RYR3: variants seen among roughly 807,000 people sequenced by gnomAD.
The protein encoded by RYR3 is ryanodine receptor 3, also known as brain ryanodine receptor-calcium release channel.
In RYR3, 207 loss-of-function variants were observed where a neutral mutation model predicts 584.3. The ratio of observed to expected loss-of-function variants is 0.35; its 90% CI spans 0.32 to 0.40. The LOEUF (loss-of-function observed/expected upper bound fraction) is 0.40. Ranked by LOEUF, RYR3 falls within the 10% of genes least tolerant of loss-of-function variation. The pLI is 1.00. For synonymous variants in RYR3, 2,416 were observed against 2,248.5 expected (o/e 1.07, Z -2.11); for missense variants, 5,616 against 6,089.2 (o/e 0.92, Z 2.59).
intron 1 of RYR3, among the ~76,000 whole-genome samples, chr15:33,335,076 G>T (rs980443632): frequency 5.3e-5 from 8 of 152,228 alleles, no homozygotes; most frequent in Non-Finnish European, 1.0e-4. Flanking sequence ...TTACATTGCT[G>T]TTGGGAGTGT....
At chr15:33,429,715 A>C (rs991849867) in intron 1 of RYR3, among the ~76,000 whole-genome samples, 12 of 152,206 alleles carry the variant, frequency 7.9e-5, no homozygotes, top group Admixed American at 3.3e-4. Context: ...AAACATATTT[A>C]TTGAGAACTG....
chr15:33,575,363 C>T (rs1327700356), intron 12 of RYR3, among the ~76,000 whole-genome samples: 2 of 152,148 alleles, frequency 1.3e-5, no homozygotes, highest in Admixed American at 1.3e-4. Context: ...TAAAATCAGT[C>T]ACATAATTGC....
chr15:33,513,220 G>T (rs997981517), intron 3 of RYR3, among the ~76,000 whole-genome samples: 10 of 152,148 alleles, frequency 6.6e-5, no homozygotes, highest in African/African-American at 2.4e-4. Context: ...TTACATATTT[G>T]TAGTGAGAAA....
rs147043612 is a variant in RYR3, at chr15:33,854,665, C to T, written c.13861-101C>T. 3.4e-5 allele frequency: 49 copies of T among 1,447,190 alleles called. No individual in the cohort carries two copies. In the East Asian group the frequency reaches 5.2e-4, roughly 15 times the overall value. The allele number at this position is 1,447,190 out of a possible 1,614,324, so 89.6% of individuals were successfully genotyped here. ...CTCACAGCACCTCAGCACCTAAACC[C>T]CCTCTATCCTCAGTGTGTCTCCCAA... On this transcript the variant is annotated intron_variant, in intron 97 of 103. Transcript: ENST00000634891.
At chr15:33,820,862 G>C (rs751035207) in intron 78 of RYR3, 50 bp downstream of exon 78, 2 of 1,253,658 alleles carry the variant, frequency 1.6e-6, no homozygotes, top group Non-Finnish European at 2.1e-6. Flanking sequence ...AGGCCAATAG[G>C]CCAGGCCTTC....
chr15:33,320,406 A>C (rs999328299), intron 1 of RYR3, among the ~76,000 whole-genome samples: 3 of 152,354 alleles, frequency 2.0e-5, no homozygotes, highest in Non-Finnish European at 2.9e-5. Flanking sequence ...CAGGGTGTGC[A>C]TTCAACATGT....
At chr15:33,742,345 T>A in intron 51 of RYR3, 21 bp from the exon 52 acceptor site, 1 of 1,544,816 alleles carries the variant, frequency 6.5e-7, no homozygotes, top group African/African-American at 1.4e-5. Flanking sequence ...GAGGTTGTAA[T>A]TTTTTTTCCT....
chr15:33,716,270 G>A (rs193236176), intron 43 of RYR3, among the ~76,000 whole-genome samples: 128 of 152,246 alleles, frequency 8.4e-4, no homozygotes, highest in African/African-American at 3.0e-3. Flanking sequence ...TTATGGCAAT[G>A]CAAGAATGGC....
chr15:33,845,648 A>T (rs1333424413), intron 93 of RYR3, among the ~76,000 whole-genome samples: 1 of 152,208 alleles, frequency 6.6e-6, no homozygotes, highest in Non-Finnish European at 1.5e-5. Flanking sequence ...TAGGAGTCCC[A>T]TTTCAGGTAC....
At chr15:33,768,591 T>TG (rs1440949994) in intron 60 of RYR3, 67 bp from the exon 61 acceptor site, 2 of 1,327,198 alleles carry the variant, frequency 1.5e-6, no homozygotes, top group African/African-American at 1.4e-5. Context: ...GACATTGGGG[T>TG]GGGGGATACA....
intron 1 of RYR3, among the ~76,000 whole-genome samples, chr15:33,380,899 A>G (rs1360972298): frequency 6.6e-6 from 1 of 152,222 alleles, no homozygotes; most frequent in Admixed American, 6.5e-5. Context: ...TTAATAAAAC[A>G]AATATTTTAA....
intron 99 of RYR3, chr15:33,858,157 C>G (rs1334955785): frequency 2.0e-6 from 1 of 496,894 alleles, no homozygotes; most frequent in African/African-American, 1.9e-5. Flanking sequence ...AGGGAAGCAC[C>G]CTGCACAGTG....
chr15:33,722,872 C>G lies in RYR3; in HGVS notation c.6777C>G (p.Pro2259=), dbSNP rs780010155. The part of the protein sequence containing the change: ...KISENPALDL[P]SQGYKREVST... ...CTGAGAACCCAGCGCTCGACCTCCC[C>G]TCTCAAGGATACAAAAGAGAAGTGT... Residue 2259 remains proline (P), a synonymous_variant, in exon 44 of 104, where the codon CCC becomes CCG. Coordinates refer to ENST00000634891, the MANE Select transcript of RYR3 (RefSeq NM_001036.6). The G allele has an allele frequency of 1.9e-6, 3 of 1,588,072 alleles. No individual in the cohort carries two copies. The highest frequency in any genetic ancestry group is 2.6e-6 in the Non-Finnish European group (3 of 1,169,780).
chr15:33,810,497 G>T lies in RYR3; in HGVS notation c.10045G>T (p.Glu3349Ter). The T allele has an allele frequency of 6.2e-7, 1 of 1,614,034 alleles. No homozygotes were observed. The highest frequency in any genetic ancestry group is 1.1e-5 in the South Asian group (1 of 91,082). The change falls in exon 71 of 104, where the codon GAG becomes TAG. Residue 3349 changes from glutamate (E) to a stop codon, truncating the protein, a stop_gained. Transcript: ENST00000634891. LOFTEE classifies it high-confidence loss of function. ...CTCCTAGTCTGGAGGACAAGACCAGGAGCGGAAGAAGACAAAGCGGCGGGG... is the reference window on the plus strand; with the variant it reads ...CTCCTAGTCTGGAGGACAAGACCAGTAGCGGAAGAAGACAAAGCGGCGGGG... ...MQVKSGGQDQ[E>*]RKKTKRRGDL...
chr15:33,604,182 G>A (rs1013429282), intron 18 of RYR3, among the ~76,000 whole-genome samples: 9 of 152,206 alleles, frequency 5.9e-5, no homozygotes, highest in African/African-American at 2.2e-4. Context: ...GCATTGTGCC[G>A]TGTGCCCGTT....
intron 3 of RYR3, among the ~76,000 whole-genome samples, chr15:33,506,813 T>C (rs1343199042): frequency 6.6e-6 from 1 of 152,200 alleles, no homozygotes; most frequent in African/African-American, 2.4e-5. Flanking sequence ...CTGAAGTAAT[T>C]ACTGTACACA....
chr15:33,636,744 T>G (rs1419748753), intron 27 of RYR3, among the ~76,000 whole-genome samples, 194 bp downstream of exon 27: 1 of 152,228 alleles, frequency 6.6e-6, no homozygotes, highest in East Asian at 1.9e-4. Context: ...AGTTGGTGTG[T>G]GCAGCATACA....
In RYR3 at chr15:33,662,421, A is replaced by C. The variant is rs772448988; in HGVS notation, c.4891A>C (p.Ile1631Leu). 1 of 1,613,954 alleles carries C rather than the reference A, an allele frequency of 6.2e-7. No individual in the cohort carries two copies. The highest frequency in any genetic ancestry group is 8.5e-7 in the Non-Finnish European group (1 of 1,179,882). Residue 1631 changes from isoleucine (I) to leucine (L), a missense_variant, in exon 35 of 104, where the codon ATC becomes CTC. Ile to Leu is a conservative substitution (Grantham distance 5). This residue lies in a region of RYR3 where 753 missense variants were observed against 741.0 expected (regional missense o/e 1.02). Coordinates refer to ENST00000634891, the MANE Select transcript of RYR3 (RefSeq NM_001036.6). Reference sequence around the variant, plus strand: ...GCTGATGATGAAGAACGAGTACATCATCCCCATTACCAGCACCACCAGGAA... The same window carrying C: ...GCTGATGATGAAGAACGAGTACATCCTCCCCATTACCAGCACCACCAGGAA... ...RKLMMKNEYI[I>L]PITSTTRNIR...
At chr15:33,346,965 A>G (rs927560633) in intron 1 of RYR3, among the ~76,000 whole-genome samples, 2 of 152,310 alleles carry the variant, frequency 1.3e-5, no homozygotes, top group Admixed American at 6.5e-5. Flanking sequence ...ATAGCTGGGC[A>G]TGGTGGTGGA....
Sources: allele counts gnomAD v4.1 joint callset (sites outside exome capture counted in the v4.1 genomes callset), GRCh38; gene constraint gnomAD v4.1.1; regional missense constraint gnomAD v4.1.1; transcripts MANE v1.5; gene names NCBI Gene and HGNC (gene_info 2026-07-23, HGNC 2026-07-21).